PXK: variants seen among roughly 807,000 people sequenced by gnomAD.
PXK encodes PX domain containing serine/threonine kinase like.
Under a neutral mutation model 84.7 loss-of-function variants are expected in PXK, and 35 were observed. The observed-to-expected ratio is 0.41, with a 90% CI of 0.32 to 0.55. The LOEUF (loss-of-function observed/expected upper bound fraction) is 0.55, where lower values mean the gene tolerates loss of function less well. Ranked by LOEUF, PXK falls within the 20% of genes least tolerant of loss-of-function variation. The pLI is 0.21. For synonymous variants in PXK, 253 were observed against 260.8 expected (o/e 0.97, Z 0.29); for missense variants, 634 against 699.7 (o/e 0.91, Z 1.06).
rs1474417202 is a variant in PXK, at chr3:58,336,069, ATATT to A, written c.102+2981_102+2984del. Among the ~76,000 whole-genome samples the A allele has an allele frequency of 1.8e-3, 99 of 56,564 alleles. 1 individual carries two copies. The highest frequency in any genetic ancestry group is 5.0e-3 in the African/African-American group (43 of 8,564). The allele number at this position is 56,564 out of a possible 152,430, so 37.1% of individuals were successfully genotyped here. ...TATATATATATATATATATATATAT[ATATT>A]TTTTTTTTTTTTTTTTAATACCAAT... On this transcript the variant is annotated intron_variant, in intron 1 of 17. Coordinates refer to ENST00000356151, the MANE Select transcript of PXK (RefSeq NM_017771.5).
rs929563964 is a variant in PXK, at chr3:58,364,815, A to G, written c.103-1059A>G. Among the ~76,000 whole-genome samples the G allele has an allele frequency of 1.3e-5, 2 of 152,292 alleles. No individual in the cohort carries two copies. The highest frequency in any genetic ancestry group is 2.9e-5 in the Non-Finnish European group (2 of 68,032). On this transcript the variant is annotated intron_variant, in intron 1 of 17. Coordinates refer to ENST00000356151, the MANE Select transcript of PXK (RefSeq NM_017771.5). This position sits in a 1 kb window ranked among gnomAD's most constrained non-coding sequence, Gnocchi z 4.3. Reference sequence around the variant, plus strand: ...GTGGTCCATTTCATCTAAGTTGTCAAATTGATATATGTAGAATCGTTCACA... The same window carrying G: ...GTGGTCCATTTCATCTAAGTTGTCAGATTGATATATGTAGAATCGTTCACA...
chr3:58,369,472 C>T lies in PXK; in HGVS notation c.195C>T (p.Ser65=), dbSNP rs1218673397. The change falls in exon 3 of 18, where the codon AGC becomes AGT. Residue 65 remains serine, a synonymous_variant. Transcript: ENST00000356151. The part of the protein sequence containing the change: ...RYSDFDLLNN[S]LQIAGLSLPL... Reference sequence around the variant, plus strand: ...GTGACTTTGATTTGCTTAACAACAGCTTACAGGTAAATGTTTTGAAATTCT... The same window carrying T: ...GTGACTTTGATTTGCTTAACAACAGTTTACAGGTAAATGTTTTGAAATTCT... 2 of 1,607,824 alleles carry T rather than the reference C, an allele frequency of 1.2e-6. No individual in the cohort carries two copies. The highest frequency in any genetic ancestry group is 1.7e-6 in the Non-Finnish European group (2 of 1,174,522).
At position 58,399,854 on chromosome 3, in the gene PXK, C is replaced by G. The variant is rs1017848436; in HGVS notation, c.1181+477C>G. ...CCATGCTTCTGCTTGTGAATTTACT[C>G]ACTGGGTACTATTTATTAAACTCTA... On this transcript the variant is annotated intron_variant, in intron 12 of 17. Coordinates refer to ENST00000356151, the MANE Select transcript of PXK (RefSeq NM_017771.5). This position sits in a 1 kb window ranked among gnomAD's most constrained non-coding sequence, Gnocchi z 4.3. 6.6e-6 allele frequency among the ~76,000 whole-genome samples: 1 copy of G among 151,978 alleles called. No individual in the cohort carries two copies. Among genetic ancestry groups the G allele is most frequent in the Non-Finnish European group, 1.5e-5 (1 of 68,008 alleles).
At position 58,421,965 on chromosome 3, in the gene PXK, T is replaced by C; in HGVS notation, c.1529-2787T>C. On this transcript the variant is annotated intron_variant, in intron 17 of 17. Transcript: ENST00000356151. This position sits in a 1 kb window ranked among gnomAD's most constrained non-coding sequence, Gnocchi z 5.5. ...TGGAGATAAGGGTATTGGAGGTCTC[T>C]TGGCAGGAAGGCCTCATTCACATCT... 1 of 985,384 alleles carries C rather than the reference T, an allele frequency of 1.0e-6. No individual in the cohort carries two copies. 61.0% of individuals were successfully genotyped at this position (985,384 alleles called of 1,614,324 possible).
chr3:58,397,640 C>G lies in PXK; in HGVS notation c.1020C>G (p.His340Gln). ...GTGTGGATGTCCACTGCTTTGGCCA[C>G]TTACTGTATGAAATGACTTATGGAC... is the stretch of plus-strand genomic sequence containing the variant. ...LESVDVHCFG[H>Q]LLYEMTYGRP... Residue 340 changes from histidine (H) to glutamine (Q), a missense_variant, in exon 11 of 18, where the codon CAC (histidine) becomes CAG (glutamine). His to Gln is a conservative substitution (Grantham distance 24, BLOSUM62 0). Around this residue, in one of 3 missense-constraint regions of PXK, gnomAD observed 8 missense variants for 30.9 expected, o/e 0.26. Transcript: ENST00000356151. This position sits in a 1 kb window ranked among gnomAD's most constrained non-coding sequence, Gnocchi z 4.7. 1 of 1,614,144 alleles carries G rather than the reference C, an allele frequency of 6.2e-7. No individual in the cohort carries two copies. The highest frequency in any genetic ancestry group is 8.5e-7 in the Non-Finnish European group (1 of 1,180,016).
At chr3:58,361,319 AT>A (rs1380313855) in intron 1 of PXK, among the ~76,000 whole-genome samples, 4 of 143,552 alleles carry the variant, frequency 2.8e-5, no homozygotes, top group African/African-American at 1.0e-4. Flanking sequence ...AAAAAAAAAA[AT>A]GCAGAGAGAT....
chr3:58,351,436 T>TGTGTGTGTGTGTG (rs1553751848), intron 1 of PXK, among the ~76,000 whole-genome samples: 1 of 149,882 alleles, frequency 6.7e-6, no homozygotes, highest in East Asian at 1.9e-4. Context: ...TGTGTGTGTA[T>TGTGTGTGTGTGTG]TTTTTGTAGA....
intron 17 of PXK, chr3:58,423,000 G>A: frequency 1.0e-6 from 1 of 985,392 alleles, no homozygotes; most frequent in Non-Finnish European, 1.2e-6. Context: ...TCTGGCTATT[G>A]GGTGGGAGGG....
chr3:58,333,516 T>A lies in PXK; in HGVS notation c.102+426T>A, dbSNP rs1351890133. On this transcript the variant is annotated intron_variant, in intron 1 of 17. Coordinates refer to ENST00000356151, the MANE Select transcript of PXK (RefSeq NM_017771.5). The surrounding 1 kb of genome is among the most constrained non-coding windows in gnomAD (Gnocchi z 5.4). ...GTAATTTCCTCCTTGCAGCTGAGGGTCTGGGTGATGGGGATGAGGGTGTGC... is the reference window on the plus strand; with the variant it reads ...GTAATTTCCTCCTTGCAGCTGAGGGACTGGGTGATGGGGATGAGGGTGTGC... 6.6e-6 allele frequency: 3 copies of A among 456,228 alleles called. No homozygotes were observed. The highest frequency in any genetic ancestry group is 1.3e-5 in the Non-Finnish European group (3 of 226,828). The allele number at this position is 456,228 out of a possible 1,614,324, so 28.3% of individuals were successfully genotyped here. A position where few individuals can be genotyped will look rare whatever the true frequency, so the allele number is the denominator to read the frequency against.
At chr3:58,410,613 G>A (rs988538794) in intron 16 of PXK, among the ~76,000 whole-genome samples, 18 of 152,132 alleles carry the variant, frequency 1.2e-4, no homozygotes, top group Non-Finnish European at 2.2e-4. Flanking sequence ...GCAAGAAACC[G>A]AGATGGTACA....
At chr3:58,376,633 T>C (rs1025032857) in intron 3 of PXK, among the ~76,000 whole-genome samples, 5 of 151,774 alleles carry the variant, frequency 3.3e-5, no homozygotes, top group Non-Finnish European at 7.4e-5. Flanking sequence ...CCCTTTATTA[T>C]TTATTTATTT....
intron 1 of PXK, among the ~76,000 whole-genome samples, chr3:58,353,293 G>A (rs778338947): frequency 1.3e-5 from 2 of 152,050 alleles, no homozygotes; most frequent in African/African-American, 4.8e-5. Context: ...CACTGTGCCC[G>A]GTCTCTATGA....
chr3:58,343,035 TC>T, intron 1 of PXK, among the ~76,000 whole-genome samples: 1 of 152,364 alleles, frequency 6.6e-6, no homozygotes, highest in East Asian at 1.9e-4. Flanking sequence ...TCATTTCTCC[TC>T]ATTAATTCAG....
At chr3:58,334,504 A>G (rs1014119944) in intron 1 of PXK, among the ~76,000 whole-genome samples, 7 of 152,192 alleles carry the variant, frequency 4.6e-5, no homozygotes, top group African/African-American at 1.7e-4. Flanking sequence ...AAGTCTTATA[A>G]CCTTTCAGGG....
At position 58,364,110 on chromosome 3, in the gene PXK, C is replaced by A. The variant is rs143583476; in HGVS notation, c.103-1764C>A. ...ACCCACTTGGTCATGGTATATAATT[C>A]TTTTTATAAATTGCTGAATTCAATT... On this transcript the variant is annotated intron_variant, in intron 1 of 17. Transcript: ENST00000356151. This position sits in a 1 kb window ranked among gnomAD's most constrained non-coding sequence, Gnocchi z 4.3. Among the ~76,000 whole-genome samples the A allele has an allele frequency of 1.3e-5, 2 of 152,224 alleles. No individual in the cohort carries two copies. Among genetic ancestry groups the A allele is most frequent in the African/African-American group, 4.8e-5 (2 of 41,564 alleles).
chr3:58,356,902 CTT>C (rs77387058), intron 1 of PXK, among the ~76,000 whole-genome samples: 218 of 144,066 alleles, frequency 1.5e-3, no homozygotes, highest in Non-Finnish European at 1.7e-3. Flanking sequence ...CGCCCGGCCT[CTT>C]TTTTTTTTTT....
At chr3:58,374,517 G>A (rs1192701996) in intron 3 of PXK, among the ~76,000 whole-genome samples, 1 of 152,016 alleles carries the variant, frequency 6.6e-6, no homozygotes, top group Admixed American at 6.6e-5. Flanking sequence ...AGAACTCCGG[G>A]GACTCCTCTG....
Position 58,403,928 on chromosome 3 carries a change from G to T in PXK, c.1230+18G>T. 1 of 1,463,900 alleles carries T rather than the reference G, an allele frequency of 6.8e-7. No homozygotes were observed. Among genetic ancestry groups the T allele is most frequent in the Non-Finnish European group, 9.2e-7 (1 of 1,086,614 alleles). 90.7% of individuals were successfully genotyped at this position (1,463,900 alleles called of 1,614,324 possible). A position where few individuals can be genotyped will look rare whatever the true frequency, so the allele number is the denominator to read the frequency against. ...AGTTTAAGGTAAAGACAATTATATC[G>T]TTTTTTGGTTTGTGACATAACTAAG... On this transcript the variant is annotated intron_variant, in intron 13 of 17. Coordinates refer to ENST00000356151, the MANE Select transcript of PXK (RefSeq NM_017771.5).
In PXK at chr3:58,333,647, C is replaced by G. The variant is rs762839722; in HGVS notation, c.102+557C>G. 2.8e-5 allele frequency: 13 copies of G among 456,540 alleles called. 1 individual carries two copies. Among genetic ancestry groups the G allele is most frequent in the South Asian group, 2.0e-4 (13 of 64,568 alleles). 28.3% of individuals were successfully genotyped at this position (456,540 alleles called of 1,614,324 possible). On this transcript the variant is annotated intron_variant, in intron 1 of 17. Transcript: ENST00000356151. This position sits in a 1 kb window ranked among gnomAD's most constrained non-coding sequence, Gnocchi z 5.4. ...CAGGTCAGCCGCTTGGCCCTGGTCCCGGGAAGTGGTGGGGGCGGCAGTCGG... is the reference window on the plus strand; with the variant it reads ...CAGGTCAGCCGCTTGGCCCTGGTCCGGGGAAGTGGTGGGGGCGGCAGTCGG...
Sources: allele counts gnomAD v4.1 joint callset (sites outside exome capture counted in the v4.1 genomes callset), GRCh38; gene constraint gnomAD v4.1.1; regional missense constraint gnomAD v4.1.1; non-coding constraint Gnocchi (gnomAD v3.1); transcripts MANE v1.5; gene names NCBI Gene and HGNC (gene_info 2026-07-23, HGNC 2026-07-21).